OR9Q1: variants seen among roughly 807,000 people sequenced by gnomAD.
The protein encoded by OR9Q1 is olfactory receptor 9Q1.
For missense variants in OR9Q1, 374 were observed against 378.8 expected, an observed-to-expected ratio of 0.99 and a Z score of 0.11; for synonymous variants, 153 against 148.6, an observed-to-expected ratio of 1.03 and a Z score of -0.22.
chr11:58,155,515 T>C (rs984488691), intron 2 of OR9Q1, among the ~76,000 whole-genome samples: 1 of 152,162 alleles, frequency 6.6e-6, no homozygotes, highest in African/African-American at 2.4e-5. Context: ...AGTGAGAATC[T>C]CCTTAAATTT....
At chr11:58,025,238 AT>A (rs1852959767) in intron 1 of OR9Q1, among the ~76,000 whole-genome samples, 1 of 152,066 alleles carries the variant, frequency 6.6e-6, no homozygotes, top group African/African-American at 2.4e-5. Flanking sequence ...CAGTGGCGCG[AT>A]CTCAGCTCAC....
intron 2 of OR9Q1, among the ~76,000 whole-genome samples, chr11:58,101,749 A>AT (rs965368069): frequency 6.6e-6 from 1 of 151,402 alleles, no homozygotes; most frequent in Non-Finnish European, 1.5e-5. Flanking sequence ...ATCTTCCAAA[A>AT]TTTTTTTTTC....
In OR9Q1 at chr11:58,170,275, A is replaced by T. The variant is rs562902237; in HGVS notation, c.-14-9156A>T. ...ACTCCTTCTTAAGGATCCAGGCAAC[A>T]TCTACAATCTAACTGCGATATCCTC... On this transcript the variant is annotated intron_variant, in intron 2 of 2. Transcript: ENST00000335397. Among the ~76,000 whole-genome samples, 17 of 152,202 alleles carry T rather than the reference A, an allele frequency of 1.1e-4. No homozygotes were observed. The East Asian group carries it at 3.1e-3, about 28-fold the overall frequency.
At chr11:58,097,271 G>A (rs549429811) in intron 2 of OR9Q1, among the ~76,000 whole-genome samples, 1 of 152,272 alleles carries the variant, frequency 6.6e-6, no homozygotes, top group African/African-American at 2.4e-5. Flanking sequence ...TCAGTGTTGA[G>A]CTGTTGTGAA....
chr11:58,179,283 C>T (rs1487091591), intron 2 of OR9Q1, 148 bp from the exon 3 acceptor site: 3 of 528,418 alleles, frequency 5.7e-6, no homozygotes, highest in Non-Finnish European at 9.8e-6. Context: ...GCCTCGCTTC[C>T]AAAGTGCTGA....
chr11:58,084,374 T>A (rs1225031731), intron 2 of OR9Q1, among the ~76,000 whole-genome samples: 1 of 151,858 alleles, frequency 6.6e-6, no homozygotes, highest in Non-Finnish European at 1.5e-5. Flanking sequence ...TGCAAAGAAC[T>A]GGTACCAATC....
chr11:58,107,389 G>T (rs985909477), intron 2 of OR9Q1, among the ~76,000 whole-genome samples: 1 of 152,108 alleles, frequency 6.6e-6, no homozygotes, highest in African/African-American at 2.4e-5. Context: ...GTGATAGTTT[G>T]CTCAGAATGA....
chr11:58,137,681 C>T (rs948055711), intron 2 of OR9Q1, among the ~76,000 whole-genome samples: 1 of 152,074 alleles, frequency 6.6e-6, no homozygotes, highest in African/African-American at 2.4e-5. Context: ...GACCCTGGAG[C>T]CTGACAGACC....
chr11:58,144,569 T>C (rs188507183), intron 2 of OR9Q1: 1 of 152,320 alleles, frequency 6.6e-6, no homozygotes, highest in Admixed American at 6.5e-5. Flanking sequence ...TCTTTGTGTT[T>C]CTGGTCATTT....
chr11:58,119,350 A>G (rs1314779170), intron 2 of OR9Q1: 1 of 1,613,856 alleles, frequency 6.2e-7, no homozygotes, highest in Admixed American at 1.7e-5. Flanking sequence ...GTAGAAACTC[A>G]GAAACACCAG....
At position 58,170,304 on chromosome 11, in the gene OR9Q1, A is replaced by T. The variant is rs563430284; in HGVS notation, c.-14-9127A>T. On this transcript the variant is annotated intron_variant, in intron 2 of 2. Transcript: ENST00000335397. Reference sequence around the variant, plus strand: ...ACAATCTAACTGCGATATCCTCTGAACTCCTCTCCAGCCTACACATAACAT... The same window carrying T: ...ACAATCTAACTGCGATATCCTCTGATCTCCTCTCCAGCCTACACATAACAT... Among the ~76,000 whole-genome samples, 126 of 151,112 alleles carry T rather than the reference A, an allele frequency of 8.3e-4. 1 individual carries two copies. Among genetic ancestry groups the T allele is most frequent in the Non-Finnish European group, 1.3e-3 (90 of 67,732 alleles).
At chr11:58,060,150 T>G (rs528722760) in intron 2 of OR9Q1, 1 of 152,374 alleles carries the variant, frequency 6.6e-6, no homozygotes, top group African/African-American at 2.4e-5. Flanking sequence ...CTCCCAAGGA[T>G]GGAAACAGCT....
At chr11:58,174,737 A>G (rs1854587977) in intron 2 of OR9Q1, among the ~76,000 whole-genome samples, 1 of 151,212 alleles carries the variant, frequency 6.6e-6, no homozygotes, top group Non-Finnish European at 1.5e-5. Flanking sequence ...TGTTGAGGAA[A>G]GTATCTTAAA....
At chr11:58,144,041 ATTATAC>A (rs909755203) in intron 2 of OR9Q1, among the ~76,000 whole-genome samples, 1 of 151,958 alleles carries the variant, frequency 6.6e-6, no homozygotes, top group Admixed American at 6.6e-5. Flanking sequence ...TTTTATTATT[ATTATAC>A]TTTAAGTTTT....
chr11:58,104,399 C>T (rs1477399735), intron 2 of OR9Q1, among the ~76,000 whole-genome samples: 4 of 151,232 alleles, frequency 2.6e-5, no homozygotes, highest in Non-Finnish European at 5.9e-5. Flanking sequence ...GTCTTCATTC[C>T]CTACCCCTAA....
At chr11:58,173,686 C>T (rs1854577505) in intron 2 of OR9Q1, among the ~76,000 whole-genome samples, 1 of 152,040 alleles carries the variant, frequency 6.6e-6, no homozygotes, top group African/African-American at 2.4e-5. Context: ...CCTAACAAGT[C>T]ATATTTTCTA....
chr11:58,038,447 C>T (rs991749504), intron 1 of OR9Q1, among the ~76,000 whole-genome samples: 2 of 152,086 alleles, frequency 1.3e-5, no homozygotes, highest in Non-Finnish European at 2.9e-5. Context: ...AAGGATTAAC[C>T]TAGCATAGAT....
intron 2 of OR9Q1, among the ~76,000 whole-genome samples, chr11:58,148,289 G>C (rs1854318282): frequency 6.6e-6 from 1 of 151,974 alleles, no homozygotes; most frequent in Admixed American, 6.6e-5. Flanking sequence ...ACGTAATCTA[G>C]GGCCTTTGGC....
At chr11:58,164,417 T>A (rs187169191) in intron 2 of OR9Q1, among the ~76,000 whole-genome samples, 299 of 152,272 alleles carry the variant, frequency 2.0e-3, no homozygotes, top group African/African-American at 6.5e-3. Flanking sequence ...TGGTTGCCCA[T>A]GCGGTGCTCT....
Sources: gnomAD v4.1 joint callset for allele counts (sites outside exome capture counted in the v4.1 genomes callset) on GRCh38, gnomAD v4.1.1 for gene constraint, MANE v1.5 for transcripts, NCBI Gene and HGNC (gene_info 2026-07-23, HGNC 2026-07-21) for gene names.